STARD13: variants seen among roughly 807,000 people sequenced by gnomAD.
STARD13 encodes the protein stAR-related lipid transfer protein 13.
In STARD13, 62 loss-of-function variants were observed where a neutral mutation model predicts 106.4. The ratio of observed to expected loss-of-function variants is 0.58; its 90% confidence interval spans 0.48 to 0.72. The LOEUF is 0.72. Among genes scored for constraint, STARD13 ranks in the 30% least tolerant of loss-of-function variants. STARD13 has a pLI of 0.00. For synonymous variants in STARD13, 565 were observed against 553.0 expected (o/e 1.02, Z -0.31); for missense variants, 1,387 against 1,424.0 (o/e 0.97, Z 0.42).
At chr13:33,222,736 T>C (rs1461807065) in intron 1 of STARD13, among the ~76,000 whole-genome samples, 3 of 152,238 alleles carry the variant, frequency 2.0e-5, no homozygotes, top group African/African-American at 7.2e-5. Context: ...AGCTATATGT[T>C]CTATGCACAT....
chr13:33,317,364 A>G (rs1241040415), intron 1 of STARD13, among the ~76,000 whole-genome samples: 2 of 152,194 alleles, frequency 1.3e-5, no homozygotes, highest in African/African-American at 4.8e-5. Flanking sequence ...CCAACAATGA[A>G]GCATCCTACA....
rs1415948721 is a variant in STARD13 at position 33,118,084 on chromosome 13, G to C, written c.2262C>G (p.Thr754=). ...EPLFTNKLSE[T]FLHIYQYVSK... Reference sequence around the variant, plus strand: ...ACTTACACTGATAGATATGGAGAAAGGTCTCACTGAGCTTGTTGGTGAAAA... The same window carrying C: ...ACTTACACTGATAGATATGGAGAAACGTCTCACTGAGCTTGTTGGTGAAAA... The change falls in exon 8 of 14, where the codon ACC becomes ACG. Residue 754 remains threonine (T), a synonymous_variant. Coordinates refer to ENST00000336934, the MANE Select transcript of STARD13 (RefSeq NM_178006.4). The C allele has an allele frequency of 6.2e-7, 1 of 1,614,170 alleles. No individual in the cohort carries two copies. Among genetic ancestry groups the C allele is most frequent in the East Asian group, 2.2e-5 (1 of 44,888 alleles).
At chr13:33,190,862 G>A (rs1212056907) in intron 1 of STARD13, among the ~76,000 whole-genome samples, 1 of 152,068 alleles carries the variant, frequency 6.6e-6, no homozygotes, top group African/African-American at 2.4e-5. Flanking sequence ...GGGATTACAG[G>A]CATGAGCCAC....
chr13:33,666,042 A>G, the STARD13 span, among the ~76,000 whole-genome samples: 280 of 152,318 alleles, frequency 1.8e-3, no homozygotes, highest in Middle Eastern at 0.01. Flanking sequence ...TGCTGCTAAC[A>G]TGAGACTAGG....
the STARD13 span, among the ~76,000 whole-genome samples, chr13:33,379,206 A>G: frequency 6.6e-6 from 1 of 152,210 alleles, no homozygotes; most frequent in Non-Finnish European, 1.5e-5. Flanking sequence ...ATAAAACTGG[A>G]TCTGATTTTC....
At chr13:33,207,348 T>C (rs555966170) in intron 1 of STARD13, among the ~76,000 whole-genome samples, 1 of 152,196 alleles carries the variant, frequency 6.6e-6, no homozygotes, top group Non-Finnish European at 1.5e-5. Context: ...CATTAGTCAG[T>C]GAGCTCCTTA....
At chr13:33,606,006 A>G in the STARD13 span, among the ~76,000 whole-genome samples, 1 of 152,162 alleles carries the variant, frequency 6.6e-6, no homozygotes, top group African/African-American at 2.4e-5. Context: ...CCTCAACTGA[A>G]AAAAGGTGAC....
At chr13:33,323,463 C>T (rs1367842193) in intron 1 of STARD13, among the ~76,000 whole-genome samples, 2 of 152,126 alleles carry the variant, frequency 1.3e-5, no homozygotes, top group Non-Finnish European at 2.9e-5. Context: ...ATTACATGGG[C>T]AATTTGTCAC....
intron 1 of STARD13, among the ~76,000 whole-genome samples, chr13:33,317,980 A>G (rs1300730182): frequency 1.3e-5 from 2 of 152,198 alleles, no homozygotes; most frequent in African/African-American, 4.8e-5. Context: ...CGCAGTTAGT[A>G]AGTAATGGAG....
chr13:33,504,332 A>G, the STARD13 span, among the ~76,000 whole-genome samples: 1 of 152,286 alleles, frequency 6.6e-6, no homozygotes, highest in East Asian at 1.9e-4. Context: ...ACTAGTCACA[A>G]TAGCAAAGAC....
At chr13:33,208,142 T>C (rs761444945) in intron 1 of STARD13, among the ~76,000 whole-genome samples, 35 of 152,348 alleles carry the variant, frequency 2.3e-4, no homozygotes, top group Non-Finnish European at 4.3e-4. Context: ...TCAGAGGATG[T>C]GTGCTGCCAG....
At position 33,252,588 on chromosome 13, in the gene STARD13, G is replaced by A. The variant is rs188736600; in HGVS notation, c.169+32882C>T. Among the ~76,000 whole-genome samples, 368 of 152,270 alleles carry A rather than the reference G, an allele frequency of 2.4e-3. 2 individuals are homozygous for A. The highest frequency in any genetic ancestry group is 8.5e-3 in the African/African-American group (352 of 41,556). On this transcript the variant is annotated intron_variant, in intron 1 of 13. Transcript: ENST00000336934. ...GGGCTTCCAACATAATGTTGAAGCCGTCAGAGGGAAACCAATTTTGTCACT... is the reference window on the plus strand; with the variant it reads ...GGGCTTCCAACATAATGTTGAAGCCATCAGAGGGAAACCAATTTTGTCACT...
chr13:33,564,159 G>C, the STARD13 span, among the ~76,000 whole-genome samples: 1 of 133,164 alleles, frequency 7.5e-6, no homozygotes, highest in Non-Finnish European at 1.6e-5. Context: ...GGTGAGCAGA[G>C]ACCGTGCCAT....
chr13:33,315,641 T>C (rs970204813), intron 1 of STARD13, among the ~76,000 whole-genome samples: 13 of 152,226 alleles, frequency 8.5e-5, no homozygotes, highest in South Asian at 2.1e-4. Flanking sequence ...ATCCCAGACT[T>C]TAGAATTTTA....
intron 1 of STARD13, chr13:33,278,561 A>G (rs1295554446): frequency 6.6e-6 from 1 of 152,144 alleles, no homozygotes; most frequent in Admixed American, 6.5e-5. Context: ...ACCATTCACT[A>G]TAGCTTGCAG....
chr13:33,118,352 G>A (rs957625323), intron 7 of STARD13, 89 bp from the exon 8 acceptor site: 1 of 1,112,994 alleles, frequency 9.0e-7, no homozygotes. Flanking sequence ...GGATGAGCTG[G>A]AATTGCCTCC....
chr13:33,129,948 G>C lies in STARD13; in HGVS notation c.729C>G (p.Pro243=). 2 of 1,613,518 alleles carry C rather than the reference G, an allele frequency of 1.2e-6. No homozygotes were observed. The highest frequency in any genetic ancestry group is 1.7e-6 in the Non-Finnish European group (2 of 1,179,978). The change falls in exon 5 of 14, where the codon CCC becomes CCG. Residue 243 remains proline (P), a synonymous_variant. Transcript: ENST00000336934. ...TGGGCTTCTCATTCTTGGGGTGGAA[G>C]GGGTGGTTGAGGACATCTCTGGGGG... ...PQPPRDVLNH[P]FHPKNEKPTR... is the part of the protein sequence containing the mutation.
At chr13:33,559,578 A>G in the STARD13 span, among the ~76,000 whole-genome samples, 2 of 151,534 alleles carry the variant, frequency 1.3e-5, no homozygotes, top group African/African-American at 2.4e-5. Context: ...GGAAGAGGCC[A>G]GGCTCAGTGG....
the STARD13 span, among the ~76,000 whole-genome samples, chr13:33,519,207 TTTTTCTTTCTTTCTTTCTTTCTTTCTTTC>T: frequency 2.3e-5 from 2 of 88,526 alleles, no homozygotes; most frequent in East Asian, 6.2e-4. Context: ...TCTTGGTAAT[TTTTTCTTTCTTTCTTTCTTTCTTTCTTTC>T]TTTCTTTCTT....
Sources: allele counts gnomAD v4.1 joint callset (sites outside exome capture counted in the v4.1 genomes callset), GRCh38; gene constraint gnomAD v4.1.1; transcripts MANE v1.5; gene names NCBI Gene and HGNC (gene_info 2026-07-23, HGNC 2026-07-21).